Variants in PBX3 observed in about 807,000 individuals in gnomAD.
PBX3 encodes PBX homeobox 3, also known as pre-B-cell leukemia transcription factor 3.
A neutral mutation model predicts 48.5 loss-of-function variants in PBX3; 14 were observed. The ratio of observed to expected loss-of-function variants is 0.29; its 90% CI spans 0.19 to 0.45. The LOEUF (loss-of-function observed/expected upper bound fraction) is 0.45. Among genes scored for constraint, PBX3 ranks in the 20% least tolerant of loss-of-function variants. PBX3 has a pLI of 1.00. For missense variants in PBX3, 386 were observed against 546.7 expected (o/e 0.71, Z 2.93); for synonymous variants, 210 against 200.3 (o/e 1.05, Z -0.41).
In PBX3 at chr9:125,967,348, A is replaced by G. The variant is rs1325338312; in HGVS notation, c.*1425A>G. On this transcript the variant is annotated 3_prime_UTR_variant, in exon 9 of 9. Transcript: ENST00000373489. ...GTGGTAGTTATATGTAGTTTCAAAC[A>G]TGAATAAACTTTTTGCTTTCATGAT... The G allele has an allele frequency of 1.3e-5, 2 of 152,680 alleles. No homozygotes were observed. The highest frequency in any genetic ancestry group is 2.4e-5 in the African/African-American group (1 of 41,468). 9.5% of individuals were successfully genotyped at this position (152,680 alleles called of 1,614,324 possible).
At chr9:125,913,972 G>A (rs1468165258) in intron 2 of PBX3, among the ~76,000 whole-genome samples, 1 of 152,144 alleles carries the variant, frequency 6.6e-6, no homozygotes, top group Non-Finnish European at 1.5e-5. Flanking sequence ...AACTTGCTAT[G>A]TGAACTACAA....
At position 125,787,673 on chromosome 9, in the gene PBX3, A is replaced by G. The variant is rs1837493182; in HGVS notation, c.274+39050A>G. Among the ~76,000 whole-genome samples the G allele has an allele frequency of 1.3e-5, 2 of 152,206 alleles. 1 individual carries two copies. The highest frequency in any genetic ancestry group is 2.9e-5 in the Non-Finnish European group (2 of 68,036). The stretch of plus-strand genomic sequence containing the variant: ...TTCAACCATATAATCCATTTTGCAT[A>G]GATGGGAAAGGTAAAGGAGTGGCTG... On this transcript the variant is annotated intron_variant, in intron 2 of 8. Transcript: ENST00000373489.
intron 5 of PBX3, among the ~76,000 whole-genome samples, chr9:125,948,379 T>A (rs1842110855): frequency 6.6e-6 from 1 of 152,202 alleles, no homozygotes. Context: ...TTTTAAACAG[T>A]TTAAAACAGA....
At chr9:125,918,688 C>T (rs964801378) in intron 3 of PBX3, among the ~76,000 whole-genome samples, 1 of 152,150 alleles carries the variant, frequency 6.6e-6, no homozygotes, top group Non-Finnish European at 1.5e-5. Context: ...TTAATTTACA[C>T]ATTTTCTCCT....
chr9:125,865,482 T>C (rs1173498134), intron 2 of PBX3, among the ~76,000 whole-genome samples: 2 of 152,208 alleles, frequency 1.3e-5, no homozygotes, highest in South Asian at 2.1e-4. Context: ...GATGAAAATA[T>C]AAGTTTCTTT....
At chr9:125,917,330 C>G (rs1440079786) in intron 3 of PBX3, among the ~76,000 whole-genome samples, 1 of 152,168 alleles carries the variant, frequency 6.6e-6, no homozygotes, top group African/African-American at 2.4e-5. Flanking sequence ...ATCAGCATCC[C>G]CCACCAGAGG....
At chr9:125,928,854 A>C (rs1047013928) in intron 3 of PBX3, among the ~76,000 whole-genome samples, 1 of 152,190 alleles carries the variant, frequency 6.6e-6, no homozygotes, top group African/African-American at 2.4e-5. Flanking sequence ...CTTTACAGAG[A>C]TGGCTTATAT....
chr9:125,748,219 G>T (rs968487460), intron 1 of PBX3: 5 of 1,013,546 alleles, frequency 4.9e-6, no homozygotes, highest in Non-Finnish European at 5.9e-6. Flanking sequence ...GAGCGGACGC[G>T]GGAGCCCCTC....
chr9:125,791,893 A>G (rs568959963), intron 2 of PBX3, among the ~76,000 whole-genome samples: 44 of 152,094 alleles, frequency 2.9e-4, no homozygotes, highest in Non-Finnish European at 5.1e-4. Context: ...CGTCTCAAAA[A>G]AAAAAAAAAG....
chr9:125,861,170 C>T (rs959561343), intron 2 of PBX3, among the ~76,000 whole-genome samples: 5 of 151,936 alleles, frequency 3.3e-5, no homozygotes, highest in African/African-American at 9.7e-5. Flanking sequence ...TGGCACATGT[C>T]TGTGGTCCTA....
intron 2 of PBX3, among the ~76,000 whole-genome samples, chr9:125,788,992 T>C (rs905460265): frequency 6.6e-6 from 1 of 152,222 alleles, no homozygotes; most frequent in Admixed American, 6.5e-5. Flanking sequence ...TTTACTAATA[T>C]TGCATGTTTT....
intron 2 of PBX3, among the ~76,000 whole-genome samples, chr9:125,771,864 C>A (rs1836947834): frequency 6.6e-6 from 1 of 152,028 alleles, no homozygotes; most frequent in East Asian, 1.9e-4. Flanking sequence ...GTCTTAATTT[C>A]TTGGGATGTG....
chr9:125,874,836 T>TAA (rs1243243959), intron 2 of PBX3, among the ~76,000 whole-genome samples: 3 of 152,164 alleles, frequency 2.0e-5, no homozygotes, highest in Non-Finnish European at 4.4e-5. Context: ...TTCTCTTAGG[T>TAA]AGATACCCTA....
chr9:125,938,485 T>C (rs1272348500), intron 5 of PBX3, among the ~76,000 whole-genome samples: 1 of 151,834 alleles, frequency 6.6e-6, no homozygotes, highest in Non-Finnish European at 1.5e-5. Context: ...AAAAAAGTAA[T>C]AGTAGAGTGG....
At position 125,816,084 on chromosome 9, in the gene PBX3, A is replaced by G. The variant is rs541295855; in HGVS notation, c.274+67461A>G. 3.9e-5 allele frequency among the ~76,000 whole-genome samples: 6 copies of G among 152,208 alleles called. No individual in the cohort carries two copies. In the South Asian group the frequency reaches 1.2e-3, roughly 32 times the overall value. ...TAGGGGTGCGATCATGGCTCACTGC[A>G]GCCCCGACTGCCCGGGCTCAGGTGA... On this transcript the variant is annotated intron_variant, in intron 2 of 8. Coordinates refer to ENST00000373489, the MANE Select transcript of PBX3 (RefSeq NM_006195.6).
chr9:125,947,888 G>T (rs1842099009), intron 5 of PBX3, among the ~76,000 whole-genome samples: 1 of 152,070 alleles, frequency 6.6e-6, no homozygotes, highest in Non-Finnish European at 1.5e-5. Flanking sequence ...CTTCAAGGAA[G>T]CTCAAAAAAC....
intron 2 of PBX3, among the ~76,000 whole-genome samples, chr9:125,839,052 T>A (rs1839216349): frequency 6.6e-6 from 1 of 152,246 alleles, no homozygotes; most frequent in Admixed American, 6.5e-5. Flanking sequence ...AGACCTGGAT[T>A]TGGGCTTCAG....
chr9:125,794,056 T>C (rs1837702474), intron 2 of PBX3, among the ~76,000 whole-genome samples: 1 of 152,200 alleles, frequency 6.6e-6, no homozygotes, highest in African/African-American at 2.4e-5. Flanking sequence ...AAATATGATG[T>C]TTTCTTACAA....
chr9:125,895,644 A>G (rs1321625684), intron 2 of PBX3, among the ~76,000 whole-genome samples: 1 of 152,078 alleles, frequency 6.6e-6, no homozygotes, highest in African/African-American at 2.4e-5. Flanking sequence ...TAATTGTGAT[A>G]GATATAATAC....
Sources: gnomAD v4.1 joint callset for allele counts (sites outside exome capture counted in the v4.1 genomes callset) on GRCh38, gnomAD v4.1.1 for gene constraint, MANE v1.5 for transcripts, NCBI Gene and HGNC (gene_info 2026-07-23, HGNC 2026-07-21) for gene names.